The following IL1RAP variants were observed in gnomAD, a reference collection of about 807,000 sequenced individuals.
The protein encoded by IL1RAP is interleukin-1 receptor accessory protein.
Under a neutral mutation model 60.7 loss-of-function variants are expected in IL1RAP, and 35 were observed. The ratio of observed to expected loss-of-function variants is 0.58; its 90% CI spans 0.44 to 0.76. The LOEUF is 0.76. Ranked by LOEUF, IL1RAP falls within the 30% of genes least tolerant of loss-of-function variation. The pLI, the probability that IL1RAP is intolerant of heterozygous loss-of-function variation, is 0.00. For synonymous variants in IL1RAP, 268 were observed against 250.9 expected, an observed-to-expected ratio of 1.07 and a Z score of -0.64; for missense variants, 572 against 693.9, an observed-to-expected ratio of 0.82 and a Z score of 1.97.
Position 190,648,445 on chromosome 3 carries a change from G to T in IL1RAP, c.1453G>T (p.Ala485Ser). The change falls in exon 12 of 12, where the codon GCT (alanine) becomes TCT (serine). Residue 485 changes from alanine (A) to serine (S), a missense_variant. By Grantham distance (99) the Ala-to-Ser change is moderately conservative. Coordinates refer to ENST00000447382, the MANE Select transcript of IL1RAP (RefSeq NM_002182.4). ...AACCCAAGCCCTCCTGGAGCTCAAG[G>T]CTGGCCTAGAAAATATGGCCTCTCG... is the stretch of plus-strand genomic sequence containing the variant. ...QGTQALLELK[A>S]GLENMASRGN... The T allele has an allele frequency of 6.2e-7, 1 of 1,614,120 alleles. No individual in the cohort carries two copies. The highest frequency in any genetic ancestry group is 1.3e-5 in the African/African-American group (1 of 75,020).
At chr3:190,545,651 T>G (rs1335023976) in intron 1 of IL1RAP, among the ~76,000 whole-genome samples, 1 of 152,162 alleles carries the variant, frequency 6.6e-6, no homozygotes, top group Non-Finnish European at 1.5e-5. Context: ...ATGGAAATAT[T>G]ATGAGATTTG....
intron 1 of IL1RAP, among the ~76,000 whole-genome samples, chr3:190,539,879 T>G (rs935302041): frequency 3.9e-5 from 6 of 152,042 alleles, no homozygotes; most frequent in African/African-American, 1.4e-4. Flanking sequence ...CATCCATTTC[T>G]TTTAGATTAT....
rs1284156338 is a variant in IL1RAP, at chr3:190,604,258, C to T, written c.195C>T (p.Gly65=). 13 of 1,613,972 alleles carry T rather than the reference C, an allele frequency of 8.1e-6. No individual in the cohort carries two copies. The highest frequency in any genetic ancestry group is 1.1e-5 in the Non-Finnish European group (13 of 1,180,018). Residue 65 remains glycine (G), a synonymous_variant, in exon 4 of 12, where the codon GGC becomes GGT. Transcript: ENST00000447382. ...KFNYSTAHSA[G]LTLIWYWTRQ... ...ACTACAGCACAGCCCATTCAGCTGG[C>T]CTTACTCTGATCTGGTATTGGACTA...
chr3:190,543,877 G>T (rs7626071), intron 1 of IL1RAP, among the ~76,000 whole-genome samples: 131,074 of 152,158 alleles, frequency 0.86, 57,258 homozygotes, highest in East Asian at 0.93. Flanking sequence ...ATTGCTTTGG[G>T]CTTTGTCATC....
At chr3:190,604,468 T>C (rs904095348) in intron 4 of IL1RAP, 55 bp downstream of exon 4, 9 of 1,561,450 alleles carry the variant, frequency 5.8e-6, no homozygotes, top group Non-Finnish European at 7.8e-6. Context: ...CTGGGCTCTT[T>C]TCCGGATGAT....
In IL1RAP at chr3:190,595,861, G is replaced by C. The variant is rs140469203; in HGVS notation, c.65-8267G>C. On this transcript the variant is annotated intron_variant, in intron 3 of 11. Transcript: ENST00000447382. Reference sequence around the variant, plus strand: ...TAGAAACCTGTTATGACAATTGGTTGATTTCATTCAGTTAACTCTATTTCT... The same window carrying C: ...TAGAAACCTGTTATGACAATTGGTTCATTTCATTCAGTTAACTCTATTTCT... Among the ~76,000 whole-genome samples, 55 of 152,300 alleles carry C rather than the reference G, an allele frequency of 3.6e-4. 1 individual carries two copies. Among genetic ancestry groups the C allele is most frequent in the African/African-American group, 1.3e-3 (54 of 41,564 alleles).
At chr3:190,574,147 T>C (rs1265074235) in intron 3 of IL1RAP, among the ~76,000 whole-genome samples, 1 of 152,000 alleles carries the variant, frequency 6.6e-6, no homozygotes, top group Non-Finnish European at 1.5e-5. Context: ...TAATTGATGA[T>C]ACGGAACACA....
intron 5 of IL1RAP, among the ~76,000 whole-genome samples, chr3:190,612,989 A>AT (rs1236249824): frequency 1.3e-5 from 2 of 152,070 alleles, no homozygotes; most frequent in African/African-American, 4.8e-5. Context: ...AATAAAATAT[A>AT]TGCCCAGAGC....
At chr3:190,514,300 C>T (rs1344746160) in intron 1 of IL1RAP, 81 bp downstream of exon 1, 3 of 152,228 alleles carry the variant, frequency 2.0e-5, no homozygotes, top group Non-Finnish European at 4.4e-5. Flanking sequence ...GAGATCCTAT[C>T]GTTAAACCCT....
downstream of IL1RAP, among the ~76,000 whole-genome samples, chr3:190,654,048 TA>T: frequency 6.6e-6 from 1 of 152,018 alleles, no homozygotes; most frequent in Non-Finnish European, 1.5e-5. Flanking sequence ...GGAGTACCAA[TA>T]AAAAAATTAA....
At chr3:190,528,347 G>T (rs183028566) in intron 1 of IL1RAP, among the ~76,000 whole-genome samples, 31 of 152,330 alleles carry the variant, frequency 2.0e-4, no homozygotes, top group African/African-American at 6.3e-4. Flanking sequence ...GCTGGGTAAT[G>T]AATTTGTTGG....
intron 3 of IL1RAP, among the ~76,000 whole-genome samples, chr3:190,574,353 C>T (rs945636476): frequency 8.5e-5 from 13 of 152,080 alleles, no homozygotes; most frequent in Non-Finnish European, 1.9e-4. Flanking sequence ...CAGTTCTATA[C>T]AGGAAGAAGA....
At chr3:190,603,770 A>T (rs1464664811) in intron 3 of IL1RAP, among the ~76,000 whole-genome samples, 2 of 152,090 alleles carry the variant, frequency 1.3e-5, no homozygotes, top group African/African-American at 4.8e-5. Flanking sequence ...TTGCCCAAGG[A>T]TTGTCTTTTT....
chr3:190,595,212 G>C (rs1224613912), intron 3 of IL1RAP, among the ~76,000 whole-genome samples: 3 of 152,178 alleles, frequency 2.0e-5, no homozygotes, highest in Non-Finnish European at 4.4e-5. Context: ...CACCCATTTA[G>C]TATTTGGCAC....
intron 3 of IL1RAP, among the ~76,000 whole-genome samples, chr3:190,584,636 AT>A (rs1728291142): frequency 6.6e-6 from 1 of 152,190 alleles, no homozygotes; most frequent in Non-Finnish European, 1.5e-5. Context: ...CCATTTTGTC[AT>A]ATGTATATCT....
At chr3:190,553,880 T>C (rs1210844664) in intron 1 of IL1RAP, among the ~76,000 whole-genome samples, 5 of 150,958 alleles carry the variant, frequency 3.3e-5, no homozygotes, top group East Asian at 2.0e-4. Flanking sequence ...CTAAAAACGG[T>C]GAAACCCCGC....
chr3:190,587,012 G>A (rs950148105), intron 3 of IL1RAP, among the ~76,000 whole-genome samples: 24 of 152,226 alleles, frequency 1.6e-4, no homozygotes, highest in African/African-American at 3.9e-4. Flanking sequence ...ACCCACTTCC[G>A]TTCTTTTCTC....
chr3:190,524,363 AT>A (rs1158468288), intron 1 of IL1RAP, among the ~76,000 whole-genome samples: 1 of 152,032 alleles, frequency 6.6e-6, no homozygotes, highest in African/African-American at 2.4e-5. Context: ...ATTAGATCCT[AT>A]TTGTCAATAT....
intron 3 of IL1RAP, among the ~76,000 whole-genome samples, chr3:190,600,975 T>C (rs990373360): frequency 1.3e-5 from 2 of 152,194 alleles, no homozygotes; most frequent in Admixed American, 6.5e-5. Context: ...TTAAACATTA[T>C]TTTAATTTTC....
Sources: gnomAD v4.1 joint callset for allele counts (sites outside exome capture counted in the v4.1 genomes callset) on GRCh38, gnomAD v4.1.1 for gene constraint, MANE v1.5 for transcripts, NCBI Gene and HGNC (gene_info 2026-07-23, HGNC 2026-07-21) for gene names.